The following ASMT variants were observed in gnomAD, a reference collection of about 807,000 sequenced individuals.
The protein encoded by ASMT is acetylserotonin O-methyltransferase.
A neutral mutation model predicts 41.3 loss-of-function variants in ASMT; 53 were observed. The observed-to-expected ratio is 1.28, with a 90% CI of 1.03 to 1.61. The LOEUF is 1.61. Ranked by LOEUF, ASMT falls within the 40% of genes most tolerant of loss-of-function variation. The probability of loss-of-function intolerance (pLI) is 0.00; values close to 1 mark genes in which losing one functional copy is unlikely to be tolerated. For missense variants in ASMT, 531 were observed against 441.3 expected, an observed-to-expected ratio of 1.20 and a Z score of -1.82; for synonymous variants, 231 against 184.8, an observed-to-expected ratio of 1.25 and a Z score of -2.03.
intron 4 of ASMT, 127 bp from the exon 5 acceptor site, chrX:1,629,694 C>G (rs1934696461): frequency 1.1e-6 from 1 of 901,382 alleles, no homozygotes; most frequent in Non-Finnish European, 1.9e-6. Flanking sequence ...TTCCATTTCA[C>G]AAATGCAAGC....
At chrX:1,628,124 C>T (rs1265300272) in intron 4 of ASMT, 4 of 332,848 alleles carry the variant, frequency 1.2e-5, no homozygotes, top group Middle Eastern at 9.6e-4. Flanking sequence ...AGTTCGAGAC[C>T]AGCCTGGCCA....
chrX:1,622,995 TC>T, intron 1 of ASMT, 143 bp from the exon 2 acceptor site: 1 of 697,620 alleles, frequency 1.4e-6, no homozygotes, highest in South Asian at 2.1e-5. Flanking sequence ...TTTGACTCTG[TC>T]TCAAAAAAAA....
chrX:1,615,717 G>T (rs776288087), intron 1 of ASMT, among the ~76,000 whole-genome samples: 1 of 151,748 alleles, frequency 6.6e-6, no homozygotes, highest in Non-Finnish European at 1.5e-5. Flanking sequence ...CAGGAGAATC[G>T]CTTGAACCTG....
chrX:1,633,437 T>A, intron 7 of ASMT, 147 bp downstream of exon 7: 6 of 898,974 alleles, frequency 6.7e-6, no homozygotes, highest in Non-Finnish European at 1.1e-5. Flanking sequence ...TTATTCATGA[T>A]GGATGGAAAG....
chrX:1,624,478 G>T, intron 3 of ASMT, 80 bp downstream of exon 3: 4 of 1,462,090 alleles, frequency 2.7e-6, no homozygotes, highest in Non-Finnish European at 3.7e-6. Context: ...CTGCCCCCAG[G>T]CAGATGCTGG....
intron 3 of ASMT, among the ~76,000 whole-genome samples, chrX:1,625,710 T>G (rs1934514949): frequency 2.0e-5 from 3 of 151,634 alleles, no homozygotes; most frequent in African/African-American, 7.3e-5. Flanking sequence ...ATCCCAGCAC[T>G]TTGGGAGGCT....
intron 1 of ASMT, among the ~76,000 whole-genome samples, chrX:1,620,050 A>G (rs774752683): frequency 2.7e-5 from 4 of 150,588 alleles, no homozygotes; most frequent in Admixed American, 6.7e-5. Context: ...CCGAGATCGC[A>G]CCACTGCACT....
intron 4 of ASMT, 133 bp from the exon 5 acceptor site, chrX:1,629,688 A>C (rs6588807): frequency 0.35 from 303,037 of 863,660 alleles, 51,610 homozygotes; most frequent in African/African-American, 0.43. Context: ...TTCCTGTTCC[A>C]TTTCACAAAT....
chrX:1,632,876 G>C, intron 6 of ASMT, 89 bp downstream of exon 6: 1 of 545,428 alleles, frequency 1.8e-6, no homozygotes, highest in Non-Finnish European at 3.3e-6. Flanking sequence ...TGGGAGGCTG[G>C]GGGAGGGAGA....
At chrX:1,616,418 G>C (rs1178211697) in intron 1 of ASMT, among the ~76,000 whole-genome samples, 2 of 151,470 alleles carry the variant, frequency 1.3e-5, no homozygotes, top group East Asian at 3.9e-4. Flanking sequence ...GAGGTGGAAA[G>C]TGGACTGGTG....
chrX:1,627,658 TGAAA>T (rs780762720), intron 3 of ASMT, 41 bp from the exon 4 acceptor site: 20 of 1,423,992 alleles, frequency 1.4e-5, no homozygotes, highest in African/African-American at 4.3e-5. Context: ...TGAAATGAAA[TGAAA>T]TGAAATGAAA....
intron 1 of ASMT, among the ~76,000 whole-genome samples, chrX:1,615,645 A>C (rs1345337007): frequency 2.0e-5 from 3 of 152,000 alleles, no homozygotes; most frequent in Admixed American, 6.6e-5. Context: ...TCTACTAAAA[A>C]TACAAAATTA....
chrX:1,630,814 T>G (rs1420414445), intron 5 of ASMT, among the ~76,000 whole-genome samples: 1 of 151,914 alleles, frequency 6.6e-6, no homozygotes, highest in African/African-American at 2.4e-5. Context: ...TGCCTCAGCC[T>G]CCAAAAGTGC....
rs868454907 is a variant in ASMT at position 1,618,082 on chromosome X, G to A, written c.69+2814G>A. The stretch of plus-strand genomic sequence containing the variant: ...CGGCCTCCGCCTACGGGGTTCAAGC[G>A]ATTCTCCTGCCTCAGCCTCCTGAGT... On this transcript the variant is annotated intron_variant, in intron 1 of 8. Transcript: ENST00000381241. Among the ~76,000 whole-genome samples, 71 of 152,232 alleles carry A rather than the reference G, an allele frequency of 4.7e-4. No individual in the cohort carries two copies. In the Middle Eastern group the frequency reaches 0.01, roughly 22 times the overall value.
chrX:1,618,884 A>G (rs1475565970), intron 1 of ASMT, among the ~76,000 whole-genome samples: 3 of 152,162 alleles, frequency 2.0e-5, no homozygotes, highest in African/African-American at 4.8e-5. Flanking sequence ...AGCGGTGTTC[A>G]GGGAGGTGGT....
intron 5 of ASMT, among the ~76,000 whole-genome samples, chrX:1,631,770 C>A (rs1934786137): frequency 6.6e-6 from 1 of 152,026 alleles, no homozygotes; most frequent in South Asian, 2.1e-4. Flanking sequence ...CAAAAAAAGG[C>A]TGGGTGCGGT....
chrX:1,629,994 G>T (rs1185522284), intron 5 of ASMT, 55 bp downstream of exon 5: 8 of 1,403,470 alleles, frequency 5.7e-6, no homozygotes, highest in Admixed American at 1.7e-5. Context: ...TCTGTATGGG[G>T]AATGTGTTAT....
At chrX:1,624,553 G>C in intron 3 of ASMT, 155 bp downstream of exon 3, 1 of 883,708 alleles carries the variant, frequency 1.1e-6, no homozygotes, top group Non-Finnish European at 1.3e-6. Flanking sequence ...GATGCTGGGA[G>C]GTGGGGGCTG....
intron 7 of ASMT, among the ~76,000 whole-genome samples, chrX:1,633,666 G>A (rs1203112301): frequency 6.5e-5 from 9 of 138,964 alleles, no homozygotes; most frequent in African/African-American, 2.5e-4. Context: ...TTGAGATGGA[G>A]TCTCACTCTC....
Sources: allele counts gnomAD v4.1 joint callset (sites outside exome capture counted in the v4.1 genomes callset), GRCh38; gene constraint gnomAD v4.1.1; transcripts MANE v1.5; gene names NCBI Gene and HGNC (gene_info 2026-07-23, HGNC 2026-07-21).